TMCO5A: variants seen among roughly 807,000 people sequenced by gnomAD.
The protein encoded by TMCO5A is transmembrane and coiled-coil domains 5A.
TMCO5A carries 34 observed loss-of-function variants against 42.3 expected under a neutral mutation model. The ratio of observed to expected loss-of-function variants is 0.80; its 90% CI spans 0.61 to 1.07. TMCO5A has a LOEUF of 1.07. Ranked by LOEUF, TMCO5A falls within the 50% of genes least tolerant of loss-of-function variation. The probability of loss-of-function intolerance (pLI) is 0.00; values close to 1 mark genes in which losing one functional copy is unlikely to be tolerated. For missense variants in TMCO5A, 357 were observed against 327.9 expected (o/e 1.09, Z -0.69); for synonymous variants, 131 against 115.6 (o/e 1.13, Z -0.86).
At chr15:38,021,804 G>A in the TMCO5A span, among the ~76,000 whole-genome samples, 3 of 149,822 alleles carry the variant, frequency 2.0e-5, no homozygotes, top group Admixed American at 6.7e-5. Context: ...AAGGTAGTTC[G>A]ACAGTTTCTT....
the TMCO5A span, among the ~76,000 whole-genome samples, chr15:37,991,238 T>C: frequency 2.0e-5 from 3 of 152,164 alleles, no homozygotes; most frequent in Non-Finnish European, 4.4e-5. Flanking sequence ...TATTCTCAAG[T>C]GCATATGGAA....
the TMCO5A span, among the ~76,000 whole-genome samples, chr15:38,003,794 A>G: frequency 6.6e-6 from 1 of 151,768 alleles, no homozygotes; most frequent in Admixed American, 6.6e-5. Context: ...TTTTCAGGGA[A>G]ATAGGCTCCT....
At chr15:37,981,177 G>A in the TMCO5A span, among the ~76,000 whole-genome samples, 1,025 of 120,922 alleles carry the variant, frequency 8.5e-3, 10 homozygotes, top group African/African-American at 0.032. Context: ...ACAAATTTCT[G>A]CTCAGAAGGT....
chr15:38,013,515 G>A, the TMCO5A span, among the ~76,000 whole-genome samples: 1 of 152,116 alleles, frequency 6.6e-6, no homozygotes, highest in African/African-American at 2.4e-5. Context: ...CCACACTCTT[G>A]TCATCAGTGA....
At chr15:38,025,681 A>AT in the TMCO5A span, among the ~76,000 whole-genome samples, 1 of 152,124 alleles carries the variant, frequency 6.6e-6, no homozygotes, top group Non-Finnish European at 1.5e-5. Context: ...TAGGGCCCTG[A>AT]TAAGGTTTGA....
At chr15:38,019,403 ATTC>A in the TMCO5A span, among the ~76,000 whole-genome samples, 1 of 152,178 alleles carries the variant, frequency 6.6e-6, no homozygotes, top group African/African-American at 2.4e-5. Flanking sequence ...ATTCTGGTTA[ATTC>A]TTCTAAGGAA....
At chr15:38,010,845 C>T in the TMCO5A span, among the ~76,000 whole-genome samples, 1 of 152,242 alleles carries the variant, frequency 6.6e-6, no homozygotes, top group East Asian at 1.9e-4. Context: ...CTCCGTCTCC[C>T]AGGTTCAAGT....
At chr15:38,001,770 T>C in the TMCO5A span, among the ~76,000 whole-genome samples, 1 of 152,222 alleles carries the variant, frequency 6.6e-6, no homozygotes, top group South Asian at 2.1e-4. Context: ...TTAAACAAAG[T>C]AACAAGCAAG....
At chr15:37,971,208 A>G (rs981375012), downstream of TMCO5A, among the ~76,000 whole-genome samples, 1 of 152,240 alleles carries the variant, frequency 6.6e-6, no homozygotes, top group African/African-American at 2.4e-5. Context: ...TCAAACCTCA[A>G]TTCTTGACTT....
intron 11 of TMCO5A, among the ~76,000 whole-genome samples, chr15:37,962,776 T>C (rs759126548): frequency 3.9e-5 from 6 of 152,146 alleles, no homozygotes; most frequent in Non-Finnish European, 8.8e-5. Context: ...AGGAGGGTTG[T>C]ATCTTTCCAG....
At chr15:38,010,076 T>C in the TMCO5A span, among the ~76,000 whole-genome samples, 2 of 151,748 alleles carry the variant, frequency 1.3e-5, no homozygotes, top group African/African-American at 4.8e-5. Context: ...CAGGTATCTT[T>C]ATAAGAGGGA....
chr15:37,970,182 G>C (rs1890647590), downstream of TMCO5A, among the ~76,000 whole-genome samples: 1 of 152,120 alleles, frequency 6.6e-6, no homozygotes, highest in South Asian at 2.1e-4. Context: ...CCCGAGGCTG[G>C]GCAATTTACA....
the TMCO5A span, among the ~76,000 whole-genome samples, chr15:38,021,506 A>G: frequency 1.3e-5 from 2 of 152,008 alleles, no homozygotes; most frequent in African/African-American, 2.4e-5. Flanking sequence ...GCTTGTATTC[A>G]TAATCTATTA....
At chr15:37,954,988 G>C (rs1255449635), downstream of TMCO5A, among the ~76,000 whole-genome samples, 1 of 151,710 alleles carries the variant, frequency 6.6e-6, no homozygotes, top group African/African-American at 2.4e-5. Flanking sequence ...TATATCACCA[G>C]ACAGAATCAC....
the TMCO5A span, among the ~76,000 whole-genome samples, chr15:37,980,818 T>C: frequency 0.019 from 2,824 of 152,180 alleles, 86 homozygotes; most frequent in African/African-American, 0.064. Flanking sequence ...CCCTGCCACA[T>C]GATAATGCAA....
At chr15:37,988,176 G>C in the TMCO5A span, among the ~76,000 whole-genome samples, 1 of 151,880 alleles carries the variant, frequency 6.6e-6, no homozygotes, top group Admixed American at 6.6e-5. Flanking sequence ...AGAAATGCAA[G>C]TGATTTTTGT....
chr15:37,998,395 T>C, the TMCO5A span, among the ~76,000 whole-genome samples: 2 of 152,198 alleles, frequency 1.3e-5, no homozygotes, highest in Non-Finnish European at 2.9e-5. Flanking sequence ...GAGATAGGGA[T>C]CTAGTTTTAT....
At chr15:37,957,277 A>C (rs1242735329) in intron 11 of TMCO5A, among the ~76,000 whole-genome samples, 1 of 152,202 alleles carries the variant, frequency 6.6e-6, no homozygotes, top group Non-Finnish European at 1.5e-5. Flanking sequence ...AAGGTATTCA[A>C]TTCCAAAAAG....
chr15:37,948,083 A>G (rs186428461), intron 11 of TMCO5A, among the ~76,000 whole-genome samples: 7 of 152,222 alleles, frequency 4.6e-5, no homozygotes, highest in Admixed American at 3.3e-4. Context: ...GTCACATGCT[A>G]GTATACCACT....
Sources: allele counts gnomAD v4.1 joint callset (sites outside exome capture counted in the v4.1 genomes callset), GRCh38; gene constraint gnomAD v4.1.1; transcripts MANE v1.5; gene names NCBI Gene and HGNC (gene_info 2026-07-23, HGNC 2026-07-21).